The following TPX2 variants were observed in gnomAD, a reference collection of about 807,000 sequenced individuals.
TPX2 encodes TPX2 microtubule nucleation factor.
Under a neutral mutation model 93.6 loss-of-function variants are expected in TPX2, and 21 were observed. The observed-to-expected ratio is 0.22, with a 90% confidence interval of 0.16 to 0.32. The LOEUF is 0.32. TPX2 is among the 10% of genes least tolerant of loss of function. The pLI is 1.00. For synonymous variants in TPX2, 281 were observed against 298.3 expected, an observed-to-expected ratio of 0.94 and a Z score of 0.60; for missense variants, 776 against 871.1, an observed-to-expected ratio of 0.89 and a Z score of 1.37.
chr20:31,763,438 T>C (rs1298920481), intron 4 of TPX2, among the ~76,000 whole-genome samples: 7 of 152,068 alleles, frequency 4.6e-5, no homozygotes, highest in African/African-American at 1.7e-4. Flanking sequence ...CCTCGGCCTC[T>C]GAAAGTGCTG....
chr20:31,796,856 T>C (rs1320938724), intron 15 of TPX2, among the ~76,000 whole-genome samples: 2 of 152,148 alleles, frequency 1.3e-5, no homozygotes, highest in African/African-American at 4.8e-5. Context: ...TTTTGTTTTT[T>C]TTAATTGACA....
chr20:31,747,795 G>A (rs536315182), intron 2 of TPX2, among the ~76,000 whole-genome samples: 34 of 139,190 alleles, frequency 2.4e-4, no homozygotes, highest in Non-Finnish European at 3.7e-4. Context: ...TTTTTGGTGA[G>A]ACCTGTTGAC....
chr20:31,759,275 G>A (rs775619363), intron 3 of TPX2, among the ~76,000 whole-genome samples: 1 of 151,770 alleles, frequency 6.6e-6, no homozygotes, highest in Non-Finnish European at 1.5e-5. Flanking sequence ...AGAGAACCTA[G>A]CTCTGCTCTA....
chr20:31,755,115 AT>A (rs1373113522), intron 2 of TPX2, among the ~76,000 whole-genome samples: 1 of 151,716 alleles, frequency 6.6e-6, no homozygotes, highest in African/African-American at 2.4e-5. Flanking sequence ...CGCCTGGCTA[AT>A]TTTTTGTATT....
chr20:31,747,830 C>T (rs537260578), intron 2 of TPX2, among the ~76,000 whole-genome samples: 4 of 139,812 alleles, frequency 2.9e-5, no homozygotes, highest in East Asian at 2.1e-4. Flanking sequence ...GATTAAGGGA[C>T]GCAGGAAGGC....
chr20:31,740,017 C>T (rs2061744790), intron 1 of TPX2, among the ~76,000 whole-genome samples: 1 of 152,138 alleles, frequency 6.6e-6, no homozygotes, highest in African/African-American at 2.4e-5. Flanking sequence ...ATATGTTATC[C>T]ATATTTGTCC....
chr20:31,762,172 T>C lies in TPX2; in HGVS notation c.229+1993T>C, dbSNP rs1331285941. Among the ~76,000 whole-genome samples, 4 of 152,192 alleles carry C rather than the reference T, an allele frequency of 2.6e-5. No homozygotes were observed. In the East Asian group the frequency reaches 5.8e-4, roughly 22 times the overall value. ...ATAGTTAGCACGTATTTTCTCCCAT[T>C]CTTTAGTTGTCTCTTCACTCTGTTG... is the stretch of plus-strand genomic sequence containing the variant. On this transcript the variant is annotated intron_variant, in intron 4 of 17. Transcript: ENST00000300403.
At chr20:31,767,303 G>C (rs938789287) in intron 5 of TPX2, among the ~76,000 whole-genome samples, 2 of 152,180 alleles carry the variant, frequency 1.3e-5, no homozygotes, top group Admixed American at 6.5e-5. Context: ...CAAAGGCCTT[G>C]TATGGATATA....
chr20:31,783,067 GA>G (rs1421973884), intron 11 of TPX2, among the ~76,000 whole-genome samples: 2 of 152,110 alleles, frequency 1.3e-5, no homozygotes, highest in African/African-American at 2.4e-5. Context: ...TTAGTGGAGG[GA>G]AATGGAAACT....
chr20:31,745,035 C>T (rs1044230168), intron 2 of TPX2, among the ~76,000 whole-genome samples: 1 of 152,030 alleles, frequency 6.6e-6, no homozygotes, highest in Non-Finnish European at 1.5e-5. Context: ...TGCAGTGAGC[C>T]GAGATCGCGC....
chr20:31,793,787 C>T (rs1468276585), intron 13 of TPX2, 61 bp from the exon 14 acceptor site: 2 of 1,439,204 alleles, frequency 1.4e-6, no homozygotes, highest in African/African-American at 2.9e-5. Context: ...TCTGACTCCA[C>T]ATTCTGGGGA....
At chr20:31,741,760 T>G (rs961742273) in intron 1 of TPX2, among the ~76,000 whole-genome samples, 7 of 152,166 alleles carry the variant, frequency 4.6e-5, no homozygotes, top group African/African-American at 1.7e-4. Context: ...ATTACAGGTG[T>G]GAGCCACTGT....
At chr20:31,779,367 AT>A (rs1421464464) in intron 10 of TPX2, among the ~76,000 whole-genome samples, 1 of 152,200 alleles carries the variant, frequency 6.6e-6, no homozygotes, top group East Asian at 1.9e-4. Flanking sequence ...GTCCACCAAA[AT>A]TTTTACTACT....
intron 10 of TPX2, among the ~76,000 whole-genome samples, chr20:31,781,372 TCTC>T (rs1206760884): frequency 6.6e-6 from 1 of 151,250 alleles, no homozygotes; most frequent in East Asian, 2.0e-4. Context: ...TTCATGCCAT[TCTC>T]CTGCCTCAGC....
intron 12 of TPX2, among the ~76,000 whole-genome samples, chr20:31,785,584 G>A (rs2062060843): frequency 6.6e-6 from 1 of 151,176 alleles, no homozygotes; most frequent in African/African-American, 2.4e-5. Context: ...GGCAACCTCC[G>A]CCTCCCGGGT....
chr20:31,758,119 ATTTTTTTT>A (rs35354345), intron 3 of TPX2, among the ~76,000 whole-genome samples: 1 of 115,272 alleles, frequency 8.7e-6, no homozygotes, highest in Non-Finnish European at 1.8e-5. Flanking sequence ...CCCTCAATTC[ATTTTTTTT>A]TTTTTTTTTT....
intron 12 of TPX2, among the ~76,000 whole-genome samples, chr20:31,788,067 T>C (rs951001347): frequency 6.6e-6 from 1 of 152,150 alleles, no homozygotes. Flanking sequence ...AGATTTATTT[T>C]CCTTTCACAG....
intron 13 of TPX2, 70 bp downstream of exon 13, chr20:31,792,900 T>C: frequency 7.1e-7 from 1 of 1,413,844 alleles, no homozygotes; most frequent in Non-Finnish European, 1.0e-6. Context: ...TTATCATTTA[T>C]TAATCTTAAT....
intron 4 of TPX2, among the ~76,000 whole-genome samples, chr20:31,760,722 A>G (rs2061884549): frequency 6.6e-6 from 1 of 152,192 alleles, no homozygotes; most frequent in African/African-American, 2.4e-5. Context: ...GATTTAATGT[A>G]ACCTAACCTG....
Sources: allele counts gnomAD v4.1 joint callset (sites outside exome capture counted in the v4.1 genomes callset), GRCh38; gene constraint gnomAD v4.1.1; transcripts MANE v1.5; gene names NCBI Gene and HGNC (gene_info 2026-07-23, HGNC 2026-07-21).